APBB2: variants seen among roughly 807,000 people sequenced by gnomAD.
The protein encoded by APBB2 is amyloid beta precursor protein binding family B member 2.
A neutral mutation model predicts 82.5 loss-of-function variants in APBB2; 38 were observed. That is an observed-to-expected ratio of 0.46 (90% CI 0.36 to 0.60). APBB2 has a LOEUF of 0.60. APBB2 is among the 20% of genes least tolerant of loss of function. The probability of loss-of-function intolerance (pLI) is 0.00; values close to 1 mark genes in which losing one functional copy is unlikely to be tolerated. For synonymous variants in APBB2, 341 were observed against 368.2 expected (o/e 0.93, Z 0.85); for missense variants, 772 against 972.3 (o/e 0.79, Z 2.74).
intron 1 of APBB2, among the ~76,000 whole-genome samples, chr4:41,190,595 G>A (rs1774171054): frequency 6.6e-6 from 1 of 152,116 alleles, no homozygotes; most frequent in Non-Finnish European, 1.5e-5. Context: ...CTCAGAAGAG[G>A]TAGGAAAAGA....
chr4:40,964,139 A>T (rs1194121766), intron 6 of APBB2, among the ~76,000 whole-genome samples: 1 of 152,296 alleles, frequency 6.6e-6, no homozygotes, highest in South Asian at 2.1e-4. Context: ...TTTAAAAAAA[A>T]AATAAATTCT....
chr4:40,856,945 G>C, intron 12 of APBB2: 1 of 985,398 alleles, frequency 1.0e-6, no homozygotes, highest in Non-Finnish European at 1.2e-6. Context: ...CTGTCCCCGC[G>C]AGCGAGCTTG....
chr4:41,063,950 ATTTTTTTTTTT>A (rs11422110), intron 4 of APBB2, among the ~76,000 whole-genome samples: 1 of 91,794 alleles, frequency 1.1e-5, no homozygotes, highest in African/African-American at 4.5e-5. Context: ...AAATGCTGGG[ATTTTTTTTTTT>A]TTTTTTTTTT....
intron 2 of APBB2, among the ~76,000 whole-genome samples, chr4:41,133,272 A>G (rs1274920829): frequency 1.3e-5 from 2 of 152,364 alleles, no homozygotes; most frequent in South Asian, 2.1e-4. Context: ...GAACATATTT[A>G]TGAAATTGCT....
At chr4:41,124,008 C>G (rs1368937034) in intron 2 of APBB2, among the ~76,000 whole-genome samples, 1 of 152,192 alleles carries the variant, frequency 6.6e-6, no homozygotes, top group African/African-American at 2.4e-5. Flanking sequence ...AGTTGCTTTT[C>G]ATGGCCATCC....
chr4:41,098,392 A>G (rs1161594857), intron 3 of APBB2, among the ~76,000 whole-genome samples: 1 of 152,100 alleles, frequency 6.6e-6, no homozygotes, highest in Non-Finnish European at 1.5e-5. Context: ...TTCGTTGTCC[A>G]GGCTAGTCTT....
chr4:41,112,333 C>A (rs969641538), intron 2 of APBB2, among the ~76,000 whole-genome samples: 3 of 152,198 alleles, frequency 2.0e-5, no homozygotes, highest in Non-Finnish European at 4.4e-5. Flanking sequence ...ACTCCCACTG[C>A]AATGCCTGCA....
chr4:41,133,650 T>C (rs1035123637), intron 2 of APBB2, among the ~76,000 whole-genome samples: 1 of 152,208 alleles, frequency 6.6e-6, no homozygotes, highest in African/African-American at 2.4e-5. Context: ...TAACATCTAC[T>C]AGGTACTTAA....
intron 2 of APBB2, among the ~76,000 whole-genome samples, chr4:41,134,039 T>C (rs1187705965): frequency 6.6e-6 from 1 of 152,166 alleles, no homozygotes; most frequent in Non-Finnish European, 1.5e-5. Flanking sequence ...GGCTCCATCA[T>C]TGTTCACTAA....
chr4:40,932,367 G>A (rs985579993), intron 10 of APBB2, among the ~76,000 whole-genome samples: 2 of 152,226 alleles, frequency 1.3e-5, no homozygotes, highest in Non-Finnish European at 2.9e-5. Context: ...ACTGGCTCTA[G>A]AGTGGCCATG....
intron 1 of APBB2, among the ~76,000 whole-genome samples, chr4:41,161,170 C>CAAAAAA (rs33917178): frequency 1.2e-5 from 1 of 86,274 alleles, no homozygotes; most frequent in African/African-American, 4.1e-5. Flanking sequence ...TCTTCCCTGG[C>CAAAAAA]AAAAAAAAAA....
At chr4:41,034,679 T>C (rs1170941149) in intron 4 of APBB2, among the ~76,000 whole-genome samples, 1 of 152,248 alleles carries the variant, frequency 6.6e-6, no homozygotes, top group Non-Finnish European at 1.5e-5. Flanking sequence ...TAGCAAAGCA[T>C]GATCTAATTT....
At chr4:41,101,050 G>C (rs554673133) in intron 2 of APBB2, among the ~76,000 whole-genome samples, 1 of 152,198 alleles carries the variant, frequency 6.6e-6, no homozygotes, top group Admixed American at 6.5e-5. Flanking sequence ...AAAAGGAACC[G>C]AGGGAGAATC....
intron 6 of APBB2, among the ~76,000 whole-genome samples, chr4:40,945,721 T>C (rs1302918750): frequency 6.6e-6 from 1 of 152,150 alleles, no homozygotes; most frequent in Non-Finnish European, 1.5e-5. Flanking sequence ...CACACCATTC[T>C]CCTGCCTCAG....
At chr4:40,907,337 TTAATATATTAC>T (rs1204066490) in intron 10 of APBB2, among the ~76,000 whole-genome samples, 9 of 140,804 alleles carry the variant, frequency 6.4e-5, no homozygotes, top group African/African-American at 1.3e-4. Flanking sequence ...TTAATTTAAT[TTAATATATTAC>T]ATATATATAT....
intron 2 of APBB2, among the ~76,000 whole-genome samples, chr4:41,107,655 C>T (rs928546132): frequency 6.6e-6 from 1 of 152,142 alleles, no homozygotes; most frequent in East Asian, 1.9e-4. Flanking sequence ...AAGTGGTGCT[C>T]GGCATAATCA....
chr4:40,935,554 T>C (rs1785183355), intron 7 of APBB2: 1 of 157,118 alleles, frequency 6.4e-6, no homozygotes, highest in African/African-American at 2.4e-5. Context: ...GGTACCGTGT[T>C]TGTTTGGAAA....
chr4:40,894,709 T>C (rs1773162637), intron 10 of APBB2, among the ~76,000 whole-genome samples: 1 of 152,260 alleles, frequency 6.6e-6, no homozygotes, highest in Non-Finnish European at 1.5e-5. Flanking sequence ...ACTTCTTTTT[T>C]AAGGTTCTGT....
intron 6 of APBB2, among the ~76,000 whole-genome samples, chr4:40,952,058 C>T (rs558456384): frequency 6.8e-4 from 103 of 152,024 alleles, no homozygotes; most frequent in Non-Finnish European, 1.1e-3. Context: ...TGGTGACAGG[C>T]ACCTGTAATC....
Sources: allele counts gnomAD v4.1 joint callset (sites outside exome capture counted in the v4.1 genomes callset), GRCh38; gene constraint gnomAD v4.1.1; transcripts MANE v1.5; gene names NCBI Gene and HGNC (gene_info 2026-07-23, HGNC 2026-07-21).